Variants in SEMA3D observed in about 807,000 individuals in gnomAD.
The protein encoded by SEMA3D is semaphorin-3D.
In SEMA3D, 84 loss-of-function variants were observed where a neutral mutation model predicts 100.1. That is an observed-to-expected ratio of 0.84 (90% CI 0.70 to 1.01). SEMA3D has a LOEUF of 1.01. Ranked by LOEUF, SEMA3D falls within the 50% of genes least tolerant of loss-of-function variation. The pLI is 0.00. For synonymous variants in SEMA3D, 312 were observed against 320.7 expected (o/e 0.97, Z 0.29); for missense variants, 875 against 934.1 (o/e 0.94, Z 0.82).
chr7:85,117,008 A>T (rs1789262754), intron 3 of SEMA3D, among the ~76,000 whole-genome samples: 2 of 152,166 alleles, frequency 1.3e-5, no homozygotes, highest in African/African-American at 4.8e-5. Flanking sequence ...ATCATTGAGA[A>T]ATATAGTCTT....
At chr7:85,046,480 T>TA (rs909094107) in intron 9 of SEMA3D, among the ~76,000 whole-genome samples, 37 of 151,610 alleles carry the variant, frequency 2.4e-4, no homozygotes, top group African/African-American at 4.6e-4. Flanking sequence ...AATAAAAAGA[T>TA]AAAAAACCAA....
chr7:85,010,956 C>T (rs1164789583), intron 17 of SEMA3D, among the ~76,000 whole-genome samples: 1 of 151,710 alleles, frequency 6.6e-6, no homozygotes, highest in African/African-American at 2.4e-5. Context: ...GTTAAGAACA[C>T]TCAGAAGGCA....
At chr7:85,056,547 T>C (rs1470055553) in intron 8 of SEMA3D, among the ~76,000 whole-genome samples, 1 of 151,102 alleles carries the variant, frequency 6.6e-6, no homozygotes, top group Non-Finnish European at 1.5e-5. Flanking sequence ...ACATATAGCA[T>C]ATATAAGCAT....
chr7:85,004,162 GAT>G (rs1789731067), intron 18 of SEMA3D, among the ~76,000 whole-genome samples: 1 of 151,874 alleles, frequency 6.6e-6, no homozygotes, highest in Non-Finnish European at 1.5e-5. Context: ...GACATTAAAT[GAT>G]AATGGAAAAT....
chr7:85,177,414 T>C (rs767482245), intron 1 of SEMA3D, among the ~76,000 whole-genome samples: 20 of 152,086 alleles, frequency 1.3e-4, no homozygotes, highest in Non-Finnish European at 2.6e-4. Flanking sequence ...GCACTTAATG[T>C]GGTAGATGTT....
chr7:85,248,293 G>A, the SEMA3D span, among the ~76,000 whole-genome samples: 1 of 152,092 alleles, frequency 6.6e-6, no homozygotes, highest in Non-Finnish European at 1.5e-5. Context: ...CACACTACCA[G>A]AATGCCCAAA....
At chr7:85,017,137 C>T (rs931693200) in intron 15 of SEMA3D, among the ~76,000 whole-genome samples, 3 of 151,652 alleles carry the variant, frequency 2.0e-5, no homozygotes, top group Non-Finnish European at 4.4e-5. Flanking sequence ...AGATTCTCCC[C>T]TTCTGGTTGG....
intron 13 of SEMA3D, among the ~76,000 whole-genome samples, chr7:85,021,938 C>T (rs1176806715): frequency 6.6e-6 from 1 of 151,636 alleles, no homozygotes; most frequent in Non-Finnish European, 1.5e-5. Flanking sequence ...AAGATAATCT[C>T]CAAGAAGTTT....
intron 12 of SEMA3D, among the ~76,000 whole-genome samples, chr7:85,025,210 G>A (rs1379897386): frequency 6.6e-6 from 1 of 151,944 alleles, no homozygotes; most frequent in East Asian, 1.9e-4. Flanking sequence ...AGGAGAGTAG[G>A]AAATAAATCA....
At chr7:85,075,231 G>A (rs548415941) in intron 5 of SEMA3D, among the ~76,000 whole-genome samples, 1 of 151,986 alleles carries the variant, frequency 6.6e-6, no homozygotes, top group Non-Finnish European at 1.5e-5. Flanking sequence ...CAAAAGCTCA[G>A]TTAGAATTTA....
At chr7:85,037,889 C>T (rs1345805253) in intron 11 of SEMA3D, among the ~76,000 whole-genome samples, 2 of 151,932 alleles carry the variant, frequency 1.3e-5, no homozygotes, top group Non-Finnish European at 2.9e-5. Flanking sequence ...ATGAGATCAA[C>T]CTTTATGATC....
At chr7:85,050,501 A>T (rs1583871790) in intron 9 of SEMA3D, 1 of 315,804 alleles carries the variant, frequency 3.2e-6, no homozygotes, top group Admixed American at 5.0e-5. Flanking sequence ...TACCATGTAT[A>T]ATTATAAACA....
intron 2 of SEMA3D, among the ~76,000 whole-genome samples, chr7:85,129,129 G>C (rs189854914): frequency 2.3e-4 from 35 of 151,850 alleles, no homozygotes; most frequent in Admixed American, 1.6e-3. Flanking sequence ...GGCCTCAAGT[G>C]ATCATCCTGC....
rs564062988 is a variant in SEMA3D, at chr7:85,012,080, C to T, written c.1768+702G>A. On this transcript the variant is annotated intron_variant, in intron 17 of 18. Transcript: ENST00000284136. ...TGTTTTCTCTGTTCTCAGACTCACT[C>T]ACCAGGCCTCCTCTCTTTTCCCCCA... 5.3e-5 allele frequency among the ~76,000 whole-genome samples: 8 copies of T among 151,784 alleles called. No homozygotes were observed. In the South Asian group the frequency reaches 1.7e-3, roughly 31 times the overall value.
At chr7:85,148,922 A>G (rs1359382200) in intron 2 of SEMA3D, among the ~76,000 whole-genome samples, 1 of 152,060 alleles carries the variant, frequency 6.6e-6, no homozygotes, top group Non-Finnish European at 1.5e-5. Flanking sequence ...TAAACAGGTT[A>G]AGCTTTTAAC....
At chr7:85,234,544 A>G in the SEMA3D span, among the ~76,000 whole-genome samples, 1 of 152,184 alleles carries the variant, frequency 6.6e-6, no homozygotes, top group Non-Finnish European at 1.5e-5. Flanking sequence ...CATCTCCACT[A>G]GCAGTTGCTT....
chr7:85,008,252 A>G (rs1789855473), intron 17 of SEMA3D, among the ~76,000 whole-genome samples: 1 of 151,802 alleles, frequency 6.6e-6, no homozygotes, highest in South Asian at 2.1e-4. Flanking sequence ...GCAAGGGTTC[A>G]GGAGAAATGC....
Position 85,181,319 on chromosome 7 carries a change from AACACACAC to A in SEMA3D, c.-173+5351_-173+5358del, listed in dbSNP as rs3076567. 1.1e-3 allele frequency among the ~76,000 whole-genome samples: 101 copies of A among 93,680 alleles called. 1 individual carries two copies. The highest frequency in any genetic ancestry group is 4.5e-3 in the African/African-American group (95 of 21,248). The allele number at this position is 93,680 out of a possible 152,430, so 61.5% of individuals were successfully genotyped here. On this transcript the variant is annotated intron_variant, in intron 1 of 18. Transcript: ENST00000284136. ...TGACAAAGAATAAAGACATGCTCACAACACACACACACACACACACACACACACACACA... is the reference window on the plus strand; with the variant it reads ...TGACAAAGAATAAAGACATGCTCACAACACACACACACACACACACACACA...
the SEMA3D span, among the ~76,000 whole-genome samples, chr7:85,225,050 TTATATATATATA>T: frequency 0.012 from 906 of 77,070 alleles, 12 homozygotes; most frequent in East Asian, 0.032. Context: ...TGATTTTCTT[TTATATATATATA>T]TATATATATA....
Sources: allele counts gnomAD v4.1 joint callset (sites outside exome capture counted in the v4.1 genomes callset), GRCh38; gene constraint gnomAD v4.1.1; transcripts MANE v1.5; gene names NCBI Gene and HGNC (gene_info 2026-07-23, HGNC 2026-07-21).